Variants in CERS3 observed in about 807,000 individuals in gnomAD.
The protein encoded by CERS3 is ceramide synthase 3.
A neutral mutation model predicts 50.3 loss-of-function variants in CERS3; 33 were observed. The observed-to-expected ratio is 0.66, with a 90% confidence interval of 0.50 to 0.88. CERS3 has a LOEUF of 0.88. Ranked by LOEUF, CERS3 falls within the 40% of genes least tolerant of loss-of-function variation. CERS3 has a pLI of 0.00. For missense variants in CERS3, 470 were observed against 460.3 expected, an observed-to-expected ratio of 1.02 and a Z score of -0.19; for synonymous variants, 176 against 155.2, an observed-to-expected ratio of 1.13 and a Z score of -0.99.
chr15:100,518,760 G>C (rs1393944), intron 2 of CERS3, among the ~76,000 whole-genome samples: 151,376 of 152,392 alleles, frequency 0.99, 75,195 homozygotes, highest in Middle Eastern at 1. Flanking sequence ...CAAACATGTG[G>C]CAATGTGATC....
chr15:100,543,760 C>A (rs1439047274), intron 1 of CERS3, among the ~76,000 whole-genome samples: 2 of 152,120 alleles, frequency 1.3e-5, no homozygotes, highest in Middle Eastern at 3.2e-3. Context: ...AAACTCTTGA[C>A]CTCTGGTGAT....
rs373106471 is a variant in CERS3, at chr15:100,413,808, AC to A, written c.1000-10944del. On this transcript the variant is annotated intron_variant, in intron 11 of 11. Transcript: ENST00000679737. ...AAAACCCTTACAGACTATTATAAAC[AC>A]CTCTATGCACATGAACTAGAAAACC... 2.8e-4 allele frequency among the ~76,000 whole-genome samples: 42 copies of A among 151,698 alleles called. No homozygotes were observed. In the South Asian group the frequency reaches 8.5e-3, roughly 31 times the overall value.
intron 1 of CERS3, among the ~76,000 whole-genome samples, chr15:100,526,795 A>G (rs1037134020): frequency 1.3e-5 from 2 of 152,136 alleles, no homozygotes; most frequent in South Asian, 2.1e-4. Context: ...GATACCCCCA[A>G]TCCTAGAACA....
intron 10 of CERS3, among the ~76,000 whole-genome samples, chr15:100,460,416 C>T: frequency 6.6e-6 from 1 of 152,182 alleles, no homozygotes; most frequent in East Asian, 1.9e-4. Flanking sequence ...GGTTTACCTT[C>T]TGGTACCCAC....
At chr15:100,443,296 T>C (rs1163383872) in intron 11 of CERS3, among the ~76,000 whole-genome samples, 1 of 151,506 alleles carries the variant, frequency 6.6e-6, no homozygotes, top group Non-Finnish European at 1.5e-5. Context: ...TCCCACAGCA[T>C]GCTTTGAAAA....
intron 11 of CERS3, among the ~76,000 whole-genome samples, chr15:100,434,499 C>T (rs989409418): frequency 1.3e-5 from 2 of 152,180 alleles, no homozygotes; most frequent in African/African-American, 4.8e-5. Flanking sequence ...ATTTCTTTTA[C>T]CCACATCTAC....
intron 3 of CERS3, among the ~76,000 whole-genome samples, chr15:100,498,140 T>C (rs2035887597): frequency 6.6e-6 from 1 of 152,110 alleles, no homozygotes; most frequent in African/African-American, 2.4e-5. Context: ...GTGATCTGCC[T>C]GCCTCAGCCT....
At chr15:100,543,481 G>GCCTTCCTT (rs781781900) in intron 1 of CERS3, among the ~76,000 whole-genome samples, 2 of 114,132 alleles carry the variant, frequency 1.8e-5, no homozygotes, top group Admixed American at 8.8e-5. Context: ...CACAAGAGAA[G>GCCTTCCTT]GCTTCCTTCC....
At chr15:100,432,211 A>C (rs2033172992) in intron 11 of CERS3, among the ~76,000 whole-genome samples, 1 of 152,072 alleles carries the variant, frequency 6.6e-6, no homozygotes, top group Non-Finnish European at 1.5e-5. Context: ...AGGACTACAA[A>C]TATGTACCAC....
At chr15:100,404,536 G>T (rs975579840) in intron 11 of CERS3, among the ~76,000 whole-genome samples, 3 of 152,106 alleles carry the variant, frequency 2.0e-5, no homozygotes, top group Admixed American at 1.3e-4. Context: ...CATAATGAAA[G>T]TATTAATTAT....
intron 7 of CERS3, among the ~76,000 whole-genome samples, chr15:100,478,788 A>G (rs1176304188): frequency 6.6e-6 from 1 of 152,216 alleles, no homozygotes; most frequent in Non-Finnish European, 1.5e-5. Context: ...ATTAAAAAAA[A>G]TAGCAAAGGT....
chr15:100,503,963 G>A (rs909294409), intron 2 of CERS3: 9 of 333,796 alleles, frequency 2.7e-5, no homozygotes, highest in Middle Eastern at 1.1e-3. Flanking sequence ...TTGGGAGTGA[G>A]GCCCGAGGGT....
intron 3 of CERS3, among the ~76,000 whole-genome samples, chr15:100,498,807 C>T (rs1285936801): frequency 6.6e-6 from 1 of 152,222 alleles, no homozygotes; most frequent in Non-Finnish European, 1.5e-5. Context: ...ATACACTAGC[C>T]TATTGGCATA....
intron 11 of CERS3, among the ~76,000 whole-genome samples, chr15:100,454,960 T>C (rs998427994): frequency 6.6e-6 from 1 of 152,012 alleles, no homozygotes; most frequent in African/African-American, 2.4e-5. Flanking sequence ...AAACATACAG[T>C]GGCCAACAGA....
At chr15:100,503,043 T>C (rs1319428711) in intron 2 of CERS3, among the ~76,000 whole-genome samples, 1 of 152,212 alleles carries the variant, frequency 6.6e-6, no homozygotes, top group Non-Finnish European at 1.5e-5. Context: ...AAATTAGATG[T>C]TTTAATATCA....
At chr15:100,425,588 T>C (rs2032763860) in intron 11 of CERS3, among the ~76,000 whole-genome samples, 1 of 152,200 alleles carries the variant, frequency 6.6e-6, no homozygotes, top group Non-Finnish European at 1.5e-5. Context: ...CCCCATTGTG[T>C]CTTGGAACTA....
At chr15:100,434,833 T>C (rs2033320286) in intron 11 of CERS3, among the ~76,000 whole-genome samples, 1 of 152,244 alleles carries the variant, frequency 6.6e-6, no homozygotes, top group Admixed American at 6.5e-5. Flanking sequence ...TCTGTTTCTC[T>C]ACTAATAAAA....
intron 1 of CERS3, among the ~76,000 whole-genome samples, chr15:100,541,888 T>A (rs969739601): frequency 1.3e-5 from 2 of 152,212 alleles, no homozygotes; most frequent in African/African-American, 2.4e-5. Flanking sequence ...AAAAATAATT[T>A]GCTTGATCCT....
intron 11 of CERS3, among the ~76,000 whole-genome samples, chr15:100,435,439 GACCCCTTCCTTAC>G (rs1382229120): frequency 1.3e-4 from 20 of 152,120 alleles, no homozygotes; most frequent in African/African-American, 4.8e-4. Flanking sequence ...ACAGAAACTG[GACCCCTTCCTTAC>G]ACCTTATACA....
Sources: allele counts gnomAD v4.1 joint callset (sites outside exome capture counted in the v4.1 genomes callset), GRCh38; gene constraint gnomAD v4.1.1; transcripts MANE v1.5; gene names NCBI Gene and HGNC (gene_info 2026-07-23, HGNC 2026-07-21).